Variants in MAST4 observed in about 807,000 individuals in gnomAD.
MAST4 encodes the protein microtubule associated serine/threonine kinase family member 4.
In MAST4, 89 loss-of-function variants were observed where a neutral mutation model predicts 162.7. The observed-to-expected ratio is 0.55, with a 90% CI of 0.46 to 0.65. MAST4 has a LOEUF of 0.65. Ranked by LOEUF, MAST4 falls within the 30% of genes least tolerant of loss-of-function variation. The probability of loss-of-function intolerance (pLI) is 0.00; values close to 1 mark genes in which losing one functional copy is unlikely to be tolerated. For missense variants in MAST4, 3,153 were observed against 3,374.0 expected (o/e 0.93, Z 1.62); for synonymous variants, 1,479 against 1,361.1 (o/e 1.09, Z -1.91).
chr5:66,730,709 G>A (rs868700516), intron 1 of MAST4, among the ~76,000 whole-genome samples: 9 of 151,866 alleles, frequency 5.9e-5, no homozygotes, highest in Admixed American at 2.0e-4. Context: ...TTTTTGAAGC[G>A]GATCATCCTG....
chr5:66,605,017 A>G (rs945089248), intron 1 of MAST4, among the ~76,000 whole-genome samples: 1 of 152,246 alleles, frequency 6.6e-6, no homozygotes, highest in African/African-American at 2.4e-5. Context: ...TGAAGTTGTG[A>G]TGAAATCTAT....
At chr5:66,926,253 T>G (rs1764881698) in intron 4 of MAST4, among the ~76,000 whole-genome samples, 1 of 152,082 alleles carries the variant, frequency 6.6e-6, no homozygotes, top group Non-Finnish European at 1.5e-5. Flanking sequence ...GGAATAAAAT[T>G]AAATTATTTT....
chr5:66,933,862 T>G (rs1742433666), intron 4 of MAST4, among the ~76,000 whole-genome samples: 1 of 152,188 alleles, frequency 6.6e-6, no homozygotes, highest in Non-Finnish European at 1.5e-5. Flanking sequence ...TTTTTTGCTT[T>G]TATCTATTTT....
chr5:67,069,010 G>A (rs915693934), intron 5 of MAST4, among the ~76,000 whole-genome samples: 4 of 151,764 alleles, frequency 2.6e-5, no homozygotes, highest in Admixed American at 6.6e-5. Context: ...CACCCTTCTC[G>A]TTGGTGGAGA....
intron 3 of MAST4, among the ~76,000 whole-genome samples, chr5:66,826,979 A>G (rs1053542993): frequency 6.6e-6 from 1 of 152,126 alleles, no homozygotes; most frequent in African/African-American, 2.4e-5. Flanking sequence ...CTTCGTTTTC[A>G]CTGAAGAGCC....
rs6875458 is a variant in MAST4, at chr5:66,643,738, A to G, written c.363+46720A>G. 8.9e-3 allele frequency among the ~76,000 whole-genome samples: 1,360 copies of G among 152,160 alleles called. 21 individuals carry two copies. The highest frequency in any genetic ancestry group is 0.03 in the African/African-American group (1,247 of 41,500). Reference sequence around the variant, plus strand: ...CTCCTCTTGGTTCAATCTACCTCTGAAAAATTAAACTGTATTCATTCTGTT... The same window carrying G: ...CTCCTCTTGGTTCAATCTACCTCTGGAAAATTAAACTGTATTCATTCTGTT... On this transcript the variant is annotated intron_variant, in intron 1 of 28. Transcript: ENST00000403625.
intron 4 of MAST4, among the ~76,000 whole-genome samples, chr5:66,936,270 T>G (rs973323920): frequency 1.3e-4 from 20 of 152,352 alleles, no homozygotes; most frequent in Non-Finnish European, 2.4e-4. Context: ...ATGTAATAGT[T>G]GCATGATCTT....
In MAST4 at chr5:66,742,114, C is replaced by T. The variant is rs368381669; in HGVS notation, c.364-17595C>T. On this transcript the variant is annotated intron_variant, in intron 1 of 28. Coordinates refer to ENST00000403625, the MANE Select transcript of MAST4 (RefSeq NM_001164664.2). ...CTTGTTTCCAGCCTTTCGATCCACACGCCTTCATTGCAGAGCTGGTCTACC... is the reference window on the plus strand; with the variant it reads ...CTTGTTTCCAGCCTTTCGATCCACATGCCTTCATTGCAGAGCTGGTCTACC... Among the ~76,000 whole-genome samples the T allele has an allele frequency of 4.6e-5, 7 of 152,294 alleles. No homozygotes were observed. The South Asian group carries it at 6.2e-4, about 14-fold the overall frequency.
At chr5:66,620,190 A>G (rs868061250) in intron 1 of MAST4, among the ~76,000 whole-genome samples, 1 of 152,048 alleles carries the variant, frequency 6.6e-6, no homozygotes, top group Admixed American at 6.6e-5. Context: ...ACCCTGGTAT[A>G]GTAGAAGGTG....
intron 1 of MAST4, among the ~76,000 whole-genome samples, chr5:66,699,148 G>T (rs1326272691): frequency 6.6e-6 from 1 of 152,130 alleles, no homozygotes; most frequent in African/African-American, 2.4e-5. Context: ...CCCCAGCCAT[G>T]TTAGTCCTCT....
intron 3 of MAST4, among the ~76,000 whole-genome samples, chr5:66,824,046 G>C (rs1757122565): frequency 6.6e-6 from 1 of 152,178 alleles, no homozygotes; most frequent in South Asian, 2.1e-4. Context: ...AGTAATCAGT[G>C]AATGAATGGA....
intron 2 of MAST4, among the ~76,000 whole-genome samples, chr5:66,779,639 C>T (rs772307948): frequency 2.6e-5 from 4 of 152,094 alleles, no homozygotes; most frequent in African/African-American, 7.2e-5. Context: ...GTCTCTCTTG[C>T]GGGAGCACAG....
Position 66,658,589 on chromosome 5 carries a change from G to A in MAST4, c.363+61571G>A, listed in dbSNP as rs531875626. Among the ~76,000 whole-genome samples, 5 of 152,320 alleles carry A rather than the reference G, an allele frequency of 3.3e-5. No individual in the cohort carries two copies. The East Asian group carries it at 9.6e-4, about 29-fold the overall frequency. Reference sequence around the variant, plus strand: ...AGAAAAGCAGCATTTTGTAAAATAAGCATTATGAGCTTGCAGGGTGTGGTG... The same window carrying A: ...AGAAAAGCAGCATTTTGTAAAATAAACATTATGAGCTTGCAGGGTGTGGTG... On this transcript the variant is annotated intron_variant, in intron 1 of 28. Coordinates refer to ENST00000403625, the MANE Select transcript of MAST4 (RefSeq NM_001164664.2).
chr5:67,071,786 A>G (rs1207558335), intron 5 of MAST4, among the ~76,000 whole-genome samples: 1 of 152,228 alleles, frequency 6.6e-6, no homozygotes, highest in Non-Finnish European at 1.5e-5. Flanking sequence ...TTTACAGAAG[A>G]TGACTGAAAA....
chr5:66,857,787 T>C (rs988989478), intron 3 of MAST4, among the ~76,000 whole-genome samples: 2 of 152,206 alleles, frequency 1.3e-5, no homozygotes, highest in Admixed American at 6.5e-5. Flanking sequence ...TATTTCAGTC[T>C]GCTGTTTTCT....
chr5:66,708,741 A>C (rs1387212429), intron 1 of MAST4, among the ~76,000 whole-genome samples: 2 of 152,224 alleles, frequency 1.3e-5, no homozygotes, highest in East Asian at 1.9e-4. Flanking sequence ...GCCATTAATC[A>C]TTTAAAACAA....
In MAST4 at chr5:66,894,962, A is replaced by C. The variant is rs142858257; in HGVS notation, c.643-4989A>C. Among the ~76,000 whole-genome samples the C allele has an allele frequency of 6.9e-4, 105 of 152,214 alleles. 2 individuals carry two copies. The highest frequency in any genetic ancestry group is 2.8e-3 in the Admixed American group (43 of 15,292). On this transcript the variant is annotated intron_variant, in intron 3 of 28. Coordinates refer to ENST00000403625, the MANE Select transcript of MAST4 (RefSeq NM_001164664.2). ...ACAGGACACCTGTGAGGAGAGATGA[A>C]GTGAAGGTATGTGGGGGCAGTTAGA...
At chr5:66,634,468 T>C (rs1744979328) in intron 1 of MAST4, among the ~76,000 whole-genome samples, 1 of 152,234 alleles carries the variant, frequency 6.6e-6, no homozygotes. Flanking sequence ...GCCTAGAATT[T>C]CGTATCATGG....
intron 4 of MAST4, among the ~76,000 whole-genome samples, chr5:67,007,037 G>A (rs547007696): frequency 7.2e-5 from 11 of 152,244 alleles, no homozygotes; most frequent in Admixed American, 7.2e-4. Context: ...TACATCCATC[G>A]AGTCATTGTC....
Sources: gnomAD v4.1 joint callset for allele counts (sites outside exome capture counted in the v4.1 genomes callset) on GRCh38, gnomAD v4.1.1 for gene constraint, MANE v1.5 for transcripts, NCBI Gene and HGNC (gene_info 2026-07-23, HGNC 2026-07-21) for gene names.